Variants in MBP observed in about 807,000 individuals in gnomAD.
The protein encoded by MBP is Golli-MBP.
MBP carries 16 observed loss-of-function variants against 35.8 expected under a neutral mutation model. The observed-to-expected ratio is 0.45, with a 90% CI of 0.30 to 0.68. The LOEUF is 0.68. Ranked by LOEUF, MBP falls within the 30% of genes least tolerant of loss-of-function variation. The pLI is 0.08. For missense variants in MBP, 380 were observed against 404.7 expected (o/e 0.94, Z 0.52); for synonymous variants, 143 against 159.6 (o/e 0.90, Z 0.78).
At position 77,021,650 on chromosome 18, in the gene MBP, AT is replaced by A. The variant is rs1445016892; in HGVS notation, c.140-4383del. 1.6e-4 allele frequency among the ~76,000 whole-genome samples: 25 copies of A among 151,864 alleles called. No individual in the cohort carries two copies. In the South Asian group the frequency reaches 4.8e-3, roughly 29 times the overall value. On this transcript the variant is annotated intron_variant, in intron 3 of 8. Coordinates refer to ENST00000355994, the MANE Select transcript of MBP (RefSeq NM_001025101.2). ...AGGCGCCTGCCACTGTGCCCAGCTA[AT>A]TTTTTGTATTTTTAGTAGAGACTGG...
At chr18:76,995,140 A>G (rs74347935) in intron 4 of MBP, among the ~76,000 whole-genome samples, 1 of 152,358 alleles carries the variant, frequency 6.6e-6, no homozygotes, top group African/African-American at 2.4e-5. Flanking sequence ...TTTAGCAAAA[A>G]TGTACAGAAC....
chr18:77,028,779 T>C lies in MBP; in HGVS notation c.140-11511A>G, dbSNP rs575938137. 7.3e-4 allele frequency among the ~76,000 whole-genome samples: 68 copies of C among 93,144 alleles called. 23 individuals are homozygous for C. Among genetic ancestry groups the C allele is most frequent in the Non-Finnish European group, 1.6e-3 (57 of 36,750 alleles). 61.1% of individuals were successfully genotyped at this position (93,144 alleles called of 152,430 possible). A position where few individuals can be genotyped will look rare whatever the true frequency, so the allele number is the denominator to read the frequency against. ...CCCCCCACCTCCCTCCCGGACGGGG[T>C]GGCTGCTGGGCGGAGGGACTCCTGA... On this transcript the variant is annotated intron_variant, in intron 3 of 8. Transcript: ENST00000355994.
At chr18:77,078,833 A>G (rs1020003704) in intron 2 of MBP, among the ~76,000 whole-genome samples, 1 of 152,190 alleles carries the variant, frequency 6.6e-6, no homozygotes, top group African/African-American at 2.4e-5. Flanking sequence ...GGATGCCCCA[A>G]TCCTGTGCTC....
At chr18:77,066,211 T>TA (rs887600931) in intron 3 of MBP, 87 bp downstream of exon 3, 4 of 941,950 alleles carry the variant, frequency 4.2e-6, no homozygotes, top group South Asian at 2.7e-5. Context: ...ACCCATGCAA[T>TA]AAAAAAATCA....
chr18:77,065,999 G>A (rs1268939463), intron 3 of MBP: 3 of 293,216 alleles, frequency 1.0e-5, no homozygotes, highest in East Asian at 6.6e-5. Context: ...CTGGGGCCAC[G>A]GGTGCATGCC....
At chr18:77,055,508 TCTTTCCTTC>T (rs1025421660) in intron 3 of MBP, among the ~76,000 whole-genome samples, 3 of 152,162 alleles carry the variant, frequency 2.0e-5, no homozygotes, top group South Asian at 2.1e-4. Flanking sequence ...CTTTTTCCTT[TCTTTCCTTC>T]CTTTCCTTCC....
intron 3 of MBP, among the ~76,000 whole-genome samples, chr18:77,039,626 C>T (rs1972905782): frequency 6.6e-6 from 1 of 152,172 alleles, no homozygotes; most frequent in Non-Finnish European, 1.5e-5. Flanking sequence ...AACAGCACCC[C>T]ACATGCCAGG....
intron 4 of MBP, among the ~76,000 whole-genome samples, chr18:77,002,497 A>G (rs138733514): frequency 1.6e-4 from 24 of 152,312 alleles, no homozygotes; most frequent in African/African-American, 3.8e-4. Flanking sequence ...AGGAATGTAC[A>G]TGTTTTCCCT....
intron 3 of MBP, among the ~76,000 whole-genome samples, chr18:77,045,722 T>C (rs1973223639): frequency 6.6e-6 from 1 of 152,246 alleles, no homozygotes; most frequent in African/African-American, 2.4e-5. Context: ...GTTGAAAAAT[T>C]ACTATTGTGA....
At position 77,016,853 on chromosome 18, in the gene MBP, C is replaced by G. The variant is rs759293996; in HGVS notation, c.555G>C (p.Ala185=). Residue 185 remains alanine (A), a synonymous_variant, in exon 4 of 9, where the codon GCG becomes GCC. Coordinates refer to ENST00000355994, the MANE Select transcript of MBP (RefSeq NM_001025101.2). ...TCACCTTGCCAGAGCCCCGCTTGGG[C>G]GCACCCCTGTCACCGCCAAAGAAGC... ...IGRFFGGDRG[A]PKRGSGKDSH... 2 of 1,614,198 alleles carry G rather than the reference C, an allele frequency of 1.2e-6. No homozygotes were observed. The highest frequency in any genetic ancestry group is 3.3e-5 in the Admixed American group (2 of 60,034).
intron 8 of MBP, chr18:76,981,162 C>T (rs1461036722): frequency 6.6e-6 from 1 of 152,242 alleles, no homozygotes; most frequent in African/African-American, 2.4e-5. Context: ...CAGGCGTGGC[C>T]ATCCCTCTAG....
At chr18:77,018,465 T>TCATCCATCCATCCATC (rs149443923) in intron 3 of MBP, among the ~76,000 whole-genome samples, 1 of 134,402 alleles carries the variant, frequency 7.4e-6, no homozygotes, top group African/African-American at 2.9e-5. Context: ...CATCCATTCG[T>TCATCCATCCATCCATC]CATCCATCCA....
At chr18:77,098,962 C>G (rs1337289967) in intron 2 of MBP, among the ~76,000 whole-genome samples, 1 of 151,800 alleles carries the variant, frequency 6.6e-6, no homozygotes, top group East Asian at 1.9e-4. Flanking sequence ...CCTCCTTCCC[C>G]CTCCCTCTTC....
intron 2 of MBP, among the ~76,000 whole-genome samples, chr18:77,077,479 C>G (rs1228860951): frequency 6.6e-6 from 1 of 152,192 alleles, no homozygotes; most frequent in Non-Finnish European, 1.5e-5. Context: ...GCCCTCACTG[C>G]ATTCTAAACC....
At chr18:77,100,973 A>C (rs1975984621) in intron 2 of MBP, among the ~76,000 whole-genome samples, 1 of 152,230 alleles carries the variant, frequency 6.6e-6, no homozygotes, top group Admixed American at 6.5e-5. Context: ...GCTGAGGGAC[A>C]AAAGCCACAA....
chr18:77,109,170 T>C (rs1321588633), intron 1 of MBP: 2 of 152,252 alleles, frequency 1.3e-5, no homozygotes, highest in Admixed American at 6.5e-5. Flanking sequence ...GAAACATCGC[T>C]ACCTACTTAC....
chr18:77,017,373 A>G (rs1971711180), intron 3 of MBP, 105 bp from the exon 4 acceptor site: 2 of 1,083,394 alleles, frequency 1.8e-6, no homozygotes, highest in African/African-American at 3.1e-5. Context: ...TATAAAACCC[A>G]CAGAATATGT....
chr18:77,001,916 G>A (rs115392446), intron 4 of MBP, among the ~76,000 whole-genome samples: 4 of 152,172 alleles, frequency 2.6e-5, no homozygotes, highest in Non-Finnish European at 4.4e-5. Context: ...CCTCATGATA[G>A]TGTTCTTACT....
At position 77,020,240 on chromosome 18, in the gene MBP, C is replaced by G. The variant is rs952931756; in HGVS notation, c.140-2972G>C. The stretch of plus-strand genomic sequence containing the variant: ...TGGGACACTAAGGAAAGAAAGGTCT[C>G]TGGCCTGGGGTGGGGGAGTGGGGAG... On this transcript the variant is annotated intron_variant, in intron 3 of 8. Coordinates refer to ENST00000355994, the MANE Select transcript of MBP (RefSeq NM_001025101.2). The surrounding 1 kb of genome is among the most constrained non-coding windows in gnomAD (Gnocchi z 4.1). 9.9e-5 allele frequency among the ~76,000 whole-genome samples: 15 copies of G among 151,972 alleles called. No individual in the cohort carries two copies. The highest frequency in any genetic ancestry group is 3.6e-4 in the African/African-American group (15 of 41,340).
Sources: allele counts gnomAD v4.1 joint callset (sites outside exome capture counted in the v4.1 genomes callset), GRCh38; gene constraint gnomAD v4.1.1; non-coding constraint Gnocchi (gnomAD v3.1); transcripts MANE v1.5; gene names NCBI Gene and HGNC (gene_info 2026-07-23, HGNC 2026-07-21).